CDH18: variants seen among roughly 807,000 people sequenced by gnomAD.
The protein encoded by CDH18 is cadherin 18.
Under a neutral mutation model 67.9 loss-of-function variants are expected in CDH18, and 31 were observed. The observed-to-expected ratio is 0.46, with a 90% confidence interval of 0.34 to 0.62. CDH18 has a LOEUF of 0.62. Among genes scored for constraint, CDH18 ranks in the 20% least tolerant of loss-of-function variants. The pLI is 0.01. For missense variants in CDH18, 890 were observed against 975.5 expected, an observed-to-expected ratio of 0.91 and a Z score of 1.17; for synonymous variants, 362 against 347.2, an observed-to-expected ratio of 1.04 and a Z score of -0.48.
At chr5:19,817,165 C>A (rs957286615) in intron 3 of CDH18, among the ~76,000 whole-genome samples, 1 of 151,710 alleles carries the variant, frequency 6.6e-6, no homozygotes, top group Non-Finnish European at 1.5e-5. Context: ...TTAAAGTACA[C>A]GGGGATATCT....
chr5:19,656,976 T>C (rs1756491214), intron 5 of CDH18, among the ~76,000 whole-genome samples: 1 of 151,946 alleles, frequency 6.6e-6, no homozygotes, highest in Non-Finnish European at 1.5e-5. Context: ...ATAAACAACA[T>C]GGTATGGGAA....
At chr5:20,307,482 C>T (rs925501244) in intron 1 of CDH18, among the ~76,000 whole-genome samples, 4 of 152,042 alleles carry the variant, frequency 2.6e-5, no homozygotes, top group African/African-American at 9.7e-5. Flanking sequence ...GAAAACTAAA[C>T]TCTAAACAAT....
chr5:19,599,272 T>C (rs1207124929), intron 6 of CDH18, among the ~76,000 whole-genome samples: 2 of 152,096 alleles, frequency 1.3e-5, no homozygotes, highest in Non-Finnish European at 2.9e-5. Flanking sequence ...ATGAATCTAG[T>C]TGATATAATG....
At chr5:19,990,375 C>G (rs1390948365), upstream of CDH18, among the ~76,000 whole-genome samples, 1 of 152,208 alleles carries the variant, frequency 6.6e-6, no homozygotes, top group Non-Finnish European at 1.5e-5. Flanking sequence ...TAGGGATACA[C>G]TTCAAAACAA....
chr5:20,377,559 T>C (rs960023650), intron 1 of CDH18, among the ~76,000 whole-genome samples: 15 of 152,188 alleles, frequency 9.9e-5, no homozygotes, highest in Admixed American at 3.3e-4. Flanking sequence ...ATAAATGTCA[T>C]CATTGAAATA....
intron 4 of CDH18, among the ~76,000 whole-genome samples, chr5:19,740,169 A>G (rs1186771902): frequency 6.6e-6 from 1 of 152,208 alleles, no homozygotes; most frequent in African/African-American, 2.4e-5. Context: ...TCATACATTA[A>G]AAAGTACTAT....
intron 5 of CDH18, among the ~76,000 whole-genome samples, chr5:19,629,648 G>A (rs1178639140): frequency 2.6e-5 from 4 of 152,088 alleles, no homozygotes; most frequent in South Asian, 2.1e-4. Context: ...TGGATATTTC[G>A]ACTGCATATA....
At chr5:20,567,083 C>A (rs959009211) in intron 1 of CDH18, among the ~76,000 whole-genome samples, 14 of 152,212 alleles carry the variant, frequency 9.2e-5, no homozygotes, top group South Asian at 4.2e-4. Flanking sequence ...TTTATTCAGT[C>A]AGTATTGAGT....
intron 2 of CDH18, among the ~76,000 whole-genome samples, chr5:20,001,225 T>C (rs1298414720): frequency 6.6e-6 from 1 of 152,168 alleles, no homozygotes; most frequent in Non-Finnish European, 1.5e-5. Flanking sequence ...AATGTTGCTT[T>C]ATAAAAGGAC....
intron 2 of CDH18, among the ~76,000 whole-genome samples, chr5:19,973,661 T>C (rs1798235312): frequency 6.6e-6 from 1 of 152,060 alleles, no homozygotes; most frequent in African/African-American, 2.4e-5. Flanking sequence ...GAGAAGAGCA[T>C]GAAGGACAAG....
chr5:19,607,293 C>T (rs553555898), intron 6 of CDH18, among the ~76,000 whole-genome samples: 29 of 151,380 alleles, frequency 1.9e-4, no homozygotes, highest in Non-Finnish European at 2.4e-4. Context: ...TAATGATTTG[C>T]TATTTAACAC....
chr5:19,915,035 T>A (rs1379927604), intron 2 of CDH18, among the ~76,000 whole-genome samples: 1 of 152,176 alleles, frequency 6.6e-6, no homozygotes, highest in African/African-American at 2.4e-5. Context: ...AAGAATTATT[T>A]GTGCTTAACA....
intron 1 of CDH18, among the ~76,000 whole-genome samples, chr5:20,368,513 C>T (rs1742702754): frequency 6.6e-6 from 1 of 152,036 alleles, no homozygotes; most frequent in Non-Finnish European, 1.5e-5. Flanking sequence ...TAAATGACAC[C>T]ATTGACAGAG....
At chr5:20,340,675 A>G (rs945495014) in intron 1 of CDH18, among the ~76,000 whole-genome samples, 1 of 151,962 alleles carries the variant, frequency 6.6e-6, no homozygotes, top group African/African-American at 2.4e-5. Context: ...TGCTATTACC[A>G]TCTAGGAGCC....
At chr5:19,526,266 G>A (rs1490103793) in intron 9 of CDH18, among the ~76,000 whole-genome samples, 1 of 152,054 alleles carries the variant, frequency 6.6e-6, no homozygotes, top group Non-Finnish European at 1.5e-5. Flanking sequence ...ATATATGCAT[G>A]TATTTTCCAG....
At chr5:20,264,532 AC>A (rs1744889773) in intron 1 of CDH18, among the ~76,000 whole-genome samples, 1 of 152,020 alleles carries the variant, frequency 6.6e-6, no homozygotes, top group Non-Finnish European at 1.5e-5. Context: ...ATTCTGAAGC[AC>A]CATTTTAATC....
chr5:20,356,703 A>T (rs918547782), intron 1 of CDH18, among the ~76,000 whole-genome samples: 2 of 149,638 alleles, frequency 1.3e-5, no homozygotes, highest in African/African-American at 4.9e-5. Context: ...ATACCTAGAT[A>T]TGGATATATA....
intron 2 of CDH18, among the ~76,000 whole-genome samples, chr5:20,180,736 T>C (rs750099177): frequency 6.6e-6 from 1 of 152,234 alleles, no homozygotes; most frequent in East Asian, 1.9e-4. Context: ...CAGAAGGCAG[T>C]GACCCCCCTG....
intron 5 of CDH18, among the ~76,000 whole-genome samples, chr5:19,720,154 G>C (rs2150573340): frequency 6.6e-6 from 1 of 152,180 alleles, no homozygotes; most frequent in Middle Eastern, 3.4e-3. Flanking sequence ...TTTTTAGTTG[G>C]ATGTGCCTCA....
Sources: gnomAD v4.1 joint callset for allele counts (sites outside exome capture counted in the v4.1 genomes callset) on GRCh38, gnomAD v4.1.1 for gene constraint, MANE v1.5 for transcripts, NCBI Gene and HGNC (gene_info 2026-07-23, HGNC 2026-07-21) for gene names.